The following GLRA1 variants were observed in gnomAD, a reference collection of about 807,000 sequenced individuals.
GLRA1 encodes glycine receptor alpha 1.
In GLRA1, 37 loss-of-function variants were observed where a neutral mutation model predicts 48.3. The ratio of observed to expected loss-of-function variants is 0.77; its 90% CI spans 0.59 to 1.01. The LOEUF (loss-of-function observed/expected upper bound fraction) is 1.01, where lower values mean the gene tolerates loss of function less well. Among genes scored for constraint, GLRA1 ranks in the 50% least tolerant of loss-of-function variants. The pLI is 0.00. For synonymous variants in GLRA1, 196 were observed against 210.7 expected, an observed-to-expected ratio of 0.93 and a Z score of 0.60; for missense variants, 427 against 571.0, an observed-to-expected ratio of 0.75 and a Z score of 2.57.
chr5:151,904,996 G>A (rs10066997), intron 1 of GLRA1, among the ~76,000 whole-genome samples: 28,554 of 152,026 alleles, frequency 0.19, 2,978 homozygotes, highest in African/African-American at 0.28. Flanking sequence ...CTGTTATGTA[G>A]TAAATTAATA....
chr5:151,873,072 A>G (rs1753528174), intron 3 of GLRA1, among the ~76,000 whole-genome samples: 1 of 149,712 alleles, frequency 6.7e-6, no homozygotes, highest in South Asian at 2.1e-4. Flanking sequence ...TTTTTATTGA[A>G]CTAATTACAA....
intron 3 of GLRA1, among the ~76,000 whole-genome samples, chr5:151,866,346 A>G (rs1037914865): frequency 6.6e-6 from 1 of 152,182 alleles, no homozygotes; most frequent in African/African-American, 2.4e-5. Context: ...CACCACCTGA[A>G]GTTGGATCTG....
intron 7 of GLRA1, among the ~76,000 whole-genome samples, chr5:151,847,076 G>C (rs1752691823): frequency 1.3e-5 from 2 of 152,202 alleles, no homozygotes; most frequent in Non-Finnish European, 2.9e-5. Context: ...TCTGGGTAAA[G>C]GGTGTGAGGG....
intron 3 of GLRA1, among the ~76,000 whole-genome samples, chr5:151,884,426 C>CACAAAACAAA (rs1364075475): frequency 1.5e-4 from 6 of 40,072 alleles, no homozygotes; most frequent in Non-Finnish European, 3.2e-4. Context: ...GAAACTCTGT[C>CACAAAACAAA]TCAAAACAAA....
intron 1 of GLRA1, among the ~76,000 whole-genome samples, chr5:151,896,986 A>G (rs1754241133): frequency 6.6e-6 from 1 of 152,192 alleles, no homozygotes; most frequent in Non-Finnish European, 1.5e-5. Context: ...GCATATTAAC[A>G]CCTAACGAGA....
intron 3 of GLRA1, among the ~76,000 whole-genome samples, chr5:151,862,753 C>T (rs183929901): frequency 1.3e-3 from 203 of 152,162 alleles, no homozygotes; most frequent in African/African-American, 4.4e-3. Flanking sequence ...TTATTTTGGC[C>T]ATGGAATTCT....
At chr5:151,823,359 A>G (rs1763191769) in intron 8 of GLRA1, among the ~76,000 whole-genome samples, 1 of 152,188 alleles carries the variant, frequency 6.6e-6, no homozygotes, top group African/African-American at 2.4e-5. Context: ...TTTGACCATC[A>G]GAGGTTATAA....
chr5:151,858,162 C>G (rs1753097628), intron 4 of GLRA1, among the ~76,000 whole-genome samples: 1 of 152,142 alleles, frequency 6.6e-6, no homozygotes, highest in Non-Finnish European at 1.5e-5. Context: ...TGTGAACTTC[C>G]TTCCTCCAGC....
At chr5:151,827,656 A>G (rs998564480) in intron 8 of GLRA1, among the ~76,000 whole-genome samples, 1 of 152,046 alleles carries the variant, frequency 6.6e-6, no homozygotes, top group Admixed American at 6.6e-5. Context: ...GCAGACAACT[A>G]TTTTGTTTTG....
chr5:151,888,265 G>A (rs1462035459), intron 2 of GLRA1, among the ~76,000 whole-genome samples: 1 of 152,232 alleles, frequency 6.6e-6, no homozygotes, highest in Non-Finnish European at 1.5e-5. Context: ...AGGATCAGAA[G>A]TCTTGGCATA....
intron 7 of GLRA1, among the ~76,000 whole-genome samples, chr5:151,832,298 A>T (rs935325939): frequency 2.0e-5 from 3 of 152,230 alleles, no homozygotes; most frequent in Admixed American, 6.5e-5. Context: ...ACAGAGAATG[A>T]GTTCGACAAA....
chr5:151,828,931 C>T lies in GLRA1; in HGVS notation c.1049G>A (p.Arg350Lys). 6.2e-7 allele frequency: 1 copy of T among 1,614,066 alleles called. No individual in the cohort carries two copies. Among genetic ancestry groups the T allele is most frequent in the South Asian group, 1.1e-5 (1 of 91,060 alleles). The change falls in exon 8 of 9, where the codon AGA becomes AAA. Residue 350 changes from arginine (R) to lysine (K), a missense_variant. Physicochemically the swap from Arg to Lys is conservative, Grantham distance 26. This residue lies in a region of GLRA1 where 31 missense variants were observed against 21.9 expected (regional missense o/e 1.41). Transcript: ENST00000274576. ...KELLRFRRKR[R>K]HHKEDEAGEG... Reference sequence around the variant, plus strand: ...GACCCAAAGGCCTACCTTGTGATGTCTCCGCTTCCTCCTGAATCGGAGCAG... The same window carrying T: ...GACCCAAAGGCCTACCTTGTGATGTTTCCGCTTCCTCCTGAATCGGAGCAG...
intron 1 of GLRA1, among the ~76,000 whole-genome samples, chr5:151,915,051 TA>T (rs542725732): frequency 7.0e-4 from 106 of 152,212 alleles, no homozygotes; most frequent in Non-Finnish European, 1.3e-3. Context: ...CTAGTTGTCT[TA>T]CCTTTGGCAA....
chr5:151,902,286 C>T (rs895092183), intron 1 of GLRA1, among the ~76,000 whole-genome samples: 1 of 151,864 alleles, frequency 6.6e-6, no homozygotes, highest in Non-Finnish European at 1.5e-5. Flanking sequence ...ATGGTAGAAC[C>T]ATAACATAAC....
intron 1 of GLRA1, among the ~76,000 whole-genome samples, chr5:151,905,177 C>T (rs1754447960): frequency 6.6e-6 from 1 of 151,964 alleles, no homozygotes; most frequent in African/African-American, 2.4e-5. Flanking sequence ...ACATTTTCCT[C>T]TGATGATTAA....
chr5:151,830,214 TATC>T (rs1184095785), intron 7 of GLRA1, among the ~76,000 whole-genome samples: 3 of 152,228 alleles, frequency 2.0e-5, no homozygotes, highest in Non-Finnish European at 4.4e-5. Flanking sequence ...CCCAGAGAGT[TATC>T]ATCATTTGAT....
At position 151,911,600 on chromosome 5, in the gene GLRA1, G is replaced by GTTT. The variant is rs768033241; in HGVS notation, c.56+12891_56+12893dup. Among the ~76,000 whole-genome samples, 699 of 92,352 alleles carry GTTT rather than the reference G, an allele frequency of 7.6e-3. 12 individuals carry two copies. Among genetic ancestry groups the GTTT allele is most frequent in the Non-Finnish European group, 9.1e-3 (437 of 48,070 alleles). 60.6% of individuals were successfully genotyped at this position (92,352 alleles called of 152,430 possible). A position where few individuals can be genotyped will look rare whatever the true frequency, so the allele number is the denominator to read the frequency against. On this transcript the variant is annotated intron_variant, in intron 1 of 8. Coordinates refer to ENST00000274576, the MANE Select transcript of GLRA1 (RefSeq NM_000171.4). The stretch of plus-strand genomic sequence containing the variant: ...ATGTATGATTGATTCCCAAGCTAGA[G>GTTT]TTTTTTTTTTTTTTTTTTTTTTTGA...
rs766221222 is a variant in GLRA1 at position 151,859,780 on chromosome 5, C to A, written c.476+5G>T. ...AGGGAGTGGGTGAACCTGGTCAGAA[C>A]TCACCTGATGCTGTAGAGGACATTC... On this transcript the variant is annotated splice_donor_5th_base_variant and intron_variant, in intron 4 of 8. Transcript: ENST00000274576. 6.9e-6 allele frequency: 11 copies of A among 1,594,544 alleles called. No individual in the cohort carries two copies. The Admixed American group carries it at 1.7e-4, about 24-fold the overall frequency.
chr5:151,895,619 G>C (rs916943544), intron 1 of GLRA1, among the ~76,000 whole-genome samples: 7 of 129,272 alleles, frequency 5.4e-5, no homozygotes, highest in Non-Finnish European at 1.2e-4. Context: ...CATGGTGTGT[G>C]TGTGTCTGTG....
Sources: allele counts gnomAD v4.1 joint callset (sites outside exome capture counted in the v4.1 genomes callset), GRCh38; gene constraint gnomAD v4.1.1; regional missense constraint gnomAD v4.1.1; transcripts MANE v1.5; gene names NCBI Gene and HGNC (gene_info 2026-07-23, HGNC 2026-07-21).